Variants in SMCHD1 observed in about 807,000 individuals in gnomAD.
SMCHD1 encodes structural maintenance of chromosomes flexible hinge domain containing 1, also known as structural maintenance of chromosomes flexible hinge domain-containing protein 1.
SMCHD1 carries 78 observed loss-of-function variants against 254.7 expected under a neutral mutation model. That is an observed-to-expected ratio of 0.31 (90% CI 0.26 to 0.37). The LOEUF (loss-of-function observed/expected upper bound fraction) is 0.37, where lower values mean the gene tolerates loss of function less well. Ranked by LOEUF, SMCHD1 falls within the 10% of genes least tolerant of loss-of-function variation. SMCHD1 has a pLI of 1.00. For missense variants in SMCHD1, 1,840 were observed against 2,408.1 expected (o/e 0.76, Z 4.94); for synonymous variants, 766 against 794.9 (o/e 0.96, Z 0.61).
rs1465603127 is a variant in SMCHD1, at chr18:2,763,680, T to C, written c.4610T>C (p.Ile1537Thr). ...ACTGGAATTGATTTGGTTGGCACTA[T>C]AATAGCCACCATTAAAGGCTCTAAT... ...NHTGIDLVGTIIATIKGSNEE... is the reference protein window; with the variant it reads ...NHTGIDLVGTTIATIKGSNEE... Residue 1537 changes from isoleucine (I) to threonine (T), a missense_variant, in exon 37 of 48, where the codon ATA becomes ACA. Transcript: ENST00000320876. 1.1e-5 allele frequency: 17 copies of C among 1,602,836 alleles called. No individual in the cohort carries two copies. The highest frequency in any genetic ancestry group is 1.4e-5 in the Non-Finnish European group (17 of 1,175,526).
chr18:2,796,031 C>T lies in SMCHD1; in HGVS notation c.5802C>T (p.Arg1934=). The T allele has an allele frequency of 6.3e-7, 1 of 1,592,364 alleles. No individual in the cohort carries two copies. The highest frequency in any genetic ancestry group is 8.6e-7 in the Non-Finnish European group (1 of 1,168,868). The part of the protein sequence containing the change: ...KDLNSQLEYL[R]TPDMRKKKQE... ...TTAACAGTCAATTAGAGTACCTTCGCACTCCGGATATGAGGAAGAAAAAGC... is the reference window on the plus strand; with the variant it reads ...TTAACAGTCAATTAGAGTACCTTCGTACTCCGGATATGAGGAAGAAAAAGC... Residue 1934 remains arginine, a synonymous_variant, in exon 46 of 48, where the codon CGC becomes CGT. Transcript: ENST00000320876.
At chr18:2,794,991 T>C (rs901472871) in intron 45 of SMCHD1, among the ~76,000 whole-genome samples, 1 of 152,174 alleles carries the variant, frequency 6.6e-6, no homozygotes, top group Non-Finnish European at 1.5e-5. Flanking sequence ...AAAGTTAAGT[T>C]TTTTGAAAGT....
chr18:2,698,089 G>C (rs766024400), intron 10 of SMCHD1, 48 bp downstream of exon 10: 17 of 1,422,524 alleles, frequency 1.2e-5, no homozygotes, highest in Non-Finnish European at 1.7e-5. Flanking sequence ...TTGTAATTTA[G>C]GACAGTGATT....
At chr18:2,768,764 G>T (rs1020599980) in intron 37 of SMCHD1, among the ~76,000 whole-genome samples, 1 of 149,022 alleles carries the variant, frequency 6.7e-6, no homozygotes. Flanking sequence ...TGATCAAATC[G>T]AGTGCTGAAA....
intron 37 of SMCHD1, among the ~76,000 whole-genome samples, chr18:2,768,138 T>A (rs925060564): frequency 4.0e-5 from 6 of 151,086 alleles, no homozygotes; most frequent in African/African-American, 1.5e-4. Context: ...TTCTAAAACC[T>A]CCTAAGGAAC....
intron 27 of SMCHD1, among the ~76,000 whole-genome samples, chr18:2,740,025 C>T (rs2075319114): frequency 1.3e-5 from 2 of 151,242 alleles, no homozygotes; most frequent in Admixed American, 6.6e-5. Flanking sequence ...TGGTGGTTTG[C>T]TGCACCCATC....
intron 1 of SMCHD1, among the ~76,000 whole-genome samples, chr18:2,658,817 CAT>C (rs1442115042): frequency 1.3e-5 from 2 of 151,142 alleles, no homozygotes; most frequent in African/African-American, 2.4e-5. Context: ...TATACATATA[CAT>C]ATATATGTGT....
chr18:2,658,830 G>A (rs917727933), intron 1 of SMCHD1, among the ~76,000 whole-genome samples: 1 of 150,826 alleles, frequency 6.6e-6, no homozygotes, highest in Admixed American at 6.6e-5. Context: ...ATATATGTGT[G>A]TGTGTATATA....
intron 25 of SMCHD1, among the ~76,000 whole-genome samples, chr18:2,738,003 C>T (rs1184262350): frequency 2.6e-5 from 4 of 152,076 alleles, no homozygotes; most frequent in African/African-American, 4.8e-5. Context: ...AGAATAACGT[C>T]CACCTAGATC....
At chr18:2,757,754 G>C (rs1018055668) in intron 34 of SMCHD1, among the ~76,000 whole-genome samples, 2 of 151,326 alleles carry the variant, frequency 1.3e-5, no homozygotes, top group Non-Finnish European at 2.9e-5. Context: ...TTTTTTGTCT[G>C]TTTCACCTAG....
In SMCHD1 at chr18:2,765,889, TAC is replaced by T. The variant is rs956664030; in HGVS notation, c.4719+2101_4719+2102del. ...AAAAACAAAGGGGAGTGGGGAGACA[TAC>T]TTAACATGCAGAGTGGATTTGTGTT... On this transcript the variant is annotated intron_variant, in intron 37 of 47. Transcript: ENST00000320876. 1.2e-3 allele frequency among the ~76,000 whole-genome samples: 184 copies of T among 152,284 alleles called. 1 individual carries two copies. Among genetic ancestry groups the T allele is most frequent in the African/African-American group, 4.1e-3 (172 of 41,554 alleles).
In SMCHD1 at chr18:2,663,400, CTG is replaced by C. The variant is rs375755040; in HGVS notation, c.187-2754_187-2753del. On this transcript the variant is annotated intron_variant, in intron 1 of 47. Transcript: ENST00000320876. The stretch of plus-strand genomic sequence containing the variant: ...GTGCTGGGATTACAGCTGTGAACCA[CTG>C]TGCCTGGCCCACTGTTTGTACCTTT... 1.5e-3 allele frequency among the ~76,000 whole-genome samples: 229 copies of C among 152,286 alleles called. 2 individuals are homozygous for C. Among genetic ancestry groups the C allele is most frequent in the South Asian group, 0.011 (51 of 4,824 alleles).
At position 2,729,324 on chromosome 18, in the gene SMCHD1, C is replaced by G. The variant is rs1174013668; in HGVS notation, c.2963C>G (p.Ser988Cys). ...GTCTATGTTGTAGATTGCAGTAGTT[C>G]TGGAACCAGTATTTTAACAGGATCT... ...LPVYVVDCSS[S>C]GTSILTGSAI... Residue 988 changes from serine to cysteine, a missense_variant, in exon 24 of 48, where the codon TCT (serine) becomes TGT (cysteine). Physicochemically the swap from Ser to Cys is moderately radical, Grantham distance 112. Around this residue, in one of 9 missense-constraint regions of SMCHD1, gnomAD observed 881 missense variants for 1,009.5 expected, o/e 0.87. Coordinates refer to ENST00000320876, the MANE Select transcript of SMCHD1 (RefSeq NM_015295.3). 1 of 1,561,724 alleles carries G rather than the reference C, an allele frequency of 6.4e-7. No homozygotes were observed. Among genetic ancestry groups the G allele is most frequent in the East Asian group, 2.3e-5 (1 of 43,056 alleles).
chr18:2,795,721 A>C (rs189706349), intron 45 of SMCHD1, among the ~76,000 whole-genome samples: 120 of 152,354 alleles, frequency 7.9e-4, no homozygotes, highest in Non-Finnish European at 7.2e-4. Context: ...CTTCCCTGAC[A>C]CAGAAGTAAA....
intron 30 of SMCHD1, among the ~76,000 whole-genome samples, chr18:2,749,170 A>G (rs2075524612): frequency 6.6e-6 from 1 of 152,202 alleles, no homozygotes; most frequent in Non-Finnish European, 1.5e-5. Flanking sequence ...GAGACAATGG[A>G]CCAGAGGGTA....
At chr18:2,671,595 C>CTTTTTTTTTTTTT (rs760647745) in intron 3 of SMCHD1, among the ~76,000 whole-genome samples, 1 of 119,602 alleles carries the variant, frequency 8.4e-6, no homozygotes, top group Admixed American at 8.6e-5. Flanking sequence ...CTTTTCTTTT[C>CTTTTTTTTTTTTT]TTTTTTTTTT....
intron 9 of SMCHD1, 28 bp from the exon 10 acceptor site, chr18:2,697,803 A>T: frequency 7.0e-7 from 1 of 1,432,086 alleles, no homozygotes; most frequent in Non-Finnish European, 9.8e-7. Context: ...CATAGAATTT[A>T]ATTATTTTTG....
At chr18:2,738,333 T>A in intron 25 of SMCHD1, 64 bp from the exon 26 acceptor site, 1 of 1,369,534 alleles carries the variant, frequency 7.3e-7, no homozygotes, top group East Asian at 2.6e-5. Flanking sequence ...AAGAGTAAGA[T>A]AAGTGGCAGT....
At chr18:2,657,438 T>C (rs1202194379) in intron 1 of SMCHD1, among the ~76,000 whole-genome samples, 2 of 152,256 alleles carry the variant, frequency 1.3e-5, no homozygotes, top group East Asian at 3.8e-4. Flanking sequence ...TGCTCATCTT[T>C]TTTGTTGAAT....
Sources: allele counts gnomAD v4.1 joint callset (sites outside exome capture counted in the v4.1 genomes callset), GRCh38; gene constraint gnomAD v4.1.1; regional missense constraint gnomAD v4.1.1; transcripts MANE v1.5; gene names NCBI Gene and HGNC (gene_info 2026-07-23, HGNC 2026-07-21).